SPG21: variants seen among roughly 807,000 people sequenced by gnomAD.
SPG21 encodes the protein SPG21 abhydrolase domain containing, maspardin.
Under a neutral mutation model 38.9 loss-of-function variants are expected in SPG21, and 26 were observed. The ratio of observed to expected loss-of-function variants is 0.67; its 90% CI spans 0.49 to 0.93. The LOEUF is 0.93. SPG21 is among the 40% of genes least tolerant of loss of function. The probability of loss-of-function intolerance (pLI) is 0.00; values close to 1 mark genes in which losing one functional copy is unlikely to be tolerated. For missense variants in SPG21, 333 were observed against 376.5 expected (o/e 0.88, Z 0.96); for synonymous variants, 136 against 128.9 (o/e 1.05, Z -0.37).
chr15:64,980,670 G>A (rs1456182463), intron 3 of SPG21, among the ~76,000 whole-genome samples, 194 bp downstream of exon 3: 2 of 151,914 alleles, frequency 1.3e-5, no homozygotes, highest in Non-Finnish European at 2.9e-5. Flanking sequence ...CCCGGGAGAC[G>A]GAGGTTGCAG....
In SPG21 at chr15:64,980,974, G is replaced by C. The variant is rs767994705; in HGVS notation, c.115C>G (p.Pro39Ala). The C allele has an allele frequency of 6.2e-7, 1 of 1,613,924 alleles. No individual in the cohort carries two copies. The highest frequency in any genetic ancestry group is 1.3e-5 in the African/African-American group (1 of 74,854). ...ATGAGAGGACACCTGATACTTCGGG[G>C]GCCCGCGTCATAGAGCGACCATATC... ...SKIWSLYDAGPRSIRCPLIFL... is the reference protein window; with the variant it reads ...SKIWSLYDAGARSIRCPLIFL... The change falls in exon 3 of 9, where the codon CCC (proline) becomes GCC (alanine). Residue 39 changes from proline (P) to alanine (A), a missense_variant. Physicochemically the swap from Pro to Ala is conservative, Grantham distance 27. Transcript: ENST00000204566.
At position 64,970,136 on chromosome 15, in the gene SPG21, G is replaced by A. The variant is rs2085632433; in HGVS notation, c.539C>T (p.Ala180Val). The stretch of plus-strand genomic sequence containing the variant: ...TACCCTGTCTACCATGAAATCAATG[G>A]CATCAGCCATCATAGGGTCCACCGG... ...SGPVDPMMAD[A>V]IDFMVDRLES... The change falls in exon 6 of 9, where the codon GCC becomes GTC. Residue 180 changes from alanine (A) to valine (V), a missense_variant. Physicochemically the swap from Ala to Val is moderately conservative, Grantham distance 64. Coordinates refer to ENST00000204566, the MANE Select transcript of SPG21 (RefSeq NM_016630.7). The A allele has an allele frequency of 6.2e-7, 1 of 1,613,760 alleles. No individual in the cohort carries two copies. The highest frequency in any genetic ancestry group is 8.5e-7 in the Non-Finnish European group (1 of 1,179,888).
chr15:64,972,806 T>C (rs1450379085), intron 5 of SPG21, among the ~76,000 whole-genome samples: 1 of 152,196 alleles, frequency 6.6e-6, no homozygotes, highest in Non-Finnish European at 1.5e-5. Flanking sequence ...CACTCCAGCC[T>C]GGGCGACAGA....
chr15:64,970,622 A>T (rs944570354), intron 5 of SPG21, among the ~76,000 whole-genome samples: 2 of 152,224 alleles, frequency 1.3e-5, no homozygotes, highest in Admixed American at 6.5e-5. Flanking sequence ...GATATTTCAA[A>T]ACAGATTTCA....
At chr15:64,965,565 G>A (rs2085524887) in intron 7 of SPG21, 105 bp from the exon 8 acceptor site, 4 of 1,532,148 alleles carry the variant, frequency 2.6e-6, no homozygotes, top group Admixed American at 3.4e-5. Context: ...TTCACATTAT[G>A]GAAATGTTAC....
chr15:64,969,687 GT>G (rs74643667), intron 6 of SPG21, among the ~76,000 whole-genome samples: 24 of 126,558 alleles, frequency 1.9e-4, no homozygotes, highest in African/African-American at 4.7e-4. Flanking sequence ...ATATGTTTTT[GT>G]TTTTTTTTTT....
intron 4 of SPG21, 127 bp downstream of exon 4, chr15:64,976,347 TC>T: frequency 1.6e-6 from 1 of 636,928 alleles, no homozygotes; most frequent in South Asian, 1.7e-5. Flanking sequence ...ATCACTTGAA[TC>T]CGGGAGGTGG....
chr15:64,980,948 T>C lies in SPG21; in HGVS notation c.141A>G (p.Ile47Met), dbSNP rs776641719. 17 of 1,613,950 alleles carry C rather than the reference T, an allele frequency of 1.1e-5. No homozygotes were observed. Among genetic ancestry groups the C allele is most frequent in the Middle Eastern group, 3.3e-4 (2 of 6,084 alleles). Residue 47 changes from isoleucine (I) to methionine (M), a missense_variant, in exon 3 of 9, where the codon ATA (isoleucine) becomes ATG (methionine). Ile to Met is a conservative substitution (Grantham distance 10, BLOSUM62 1). Coordinates refer to ENST00000204566, the MANE Select transcript of SPG21 (RefSeq NM_016630.7). The stretch of plus-strand genomic sequence containing the variant: ...CAGTTCCACTGACAGGGGGCAGGAA[T>C]ATGAGAGGACACCTGATACTTCGGG... ...AGPRSIRCPL[I>M]FLPPVSGTAD... is the part of the protein sequence containing the mutation.
intron 1 of SPG21, among the ~76,000 whole-genome samples, chr15:64,987,907 G>T (rs199980672): frequency 6.6e-6 from 1 of 152,222 alleles, no homozygotes; most frequent in East Asian, 1.9e-4. Context: ...GGTGGCACAT[G>T]CCTGTAATCC....
intron 2 of SPG21, chr15:64,981,233 G>C: frequency 1.8e-6 from 1 of 551,698 alleles, no homozygotes; most frequent in Non-Finnish European, 3.2e-6. Flanking sequence ...GAACTACTTA[G>C]AACTACTTTA....
chr15:64,980,833 G>A (rs773138309), intron 3 of SPG21, 31 bp downstream of exon 3: 19 of 1,604,754 alleles, frequency 1.2e-5, no homozygotes, highest in South Asian at 4.5e-5. Context: ...CACACAAAAC[G>A]TGGGTCTGAA....
intron 6 of SPG21, among the ~76,000 whole-genome samples, chr15:64,969,693 T>G (rs866364146): frequency 0.014 from 1,044 of 73,108 alleles, 12 homozygotes; most frequent in African/African-American, 0.032. Flanking sequence ...TTTTGTTTTT[T>G]TTTTTTTTTT....
At chr15:64,974,006 G>T (rs1595872591) in intron 5 of SPG21, among the ~76,000 whole-genome samples, 1 of 150,358 alleles carries the variant, frequency 6.7e-6, no homozygotes. Flanking sequence ...AATAATAAGT[G>T]GGATAAACAG....
chr15:64,968,142 G>A (rs2085580661), intron 7 of SPG21, among the ~76,000 whole-genome samples: 1 of 152,088 alleles, frequency 6.6e-6, no homozygotes. Flanking sequence ...GAGTCCCAGA[G>A]TTTGAGTCCA....
chr15:64,976,349 C>T (rs547394296), intron 4 of SPG21, 126 bp downstream of exon 4: 45 of 644,130 alleles, frequency 7.0e-5, no homozygotes, highest in Admixed American at 4.2e-4. Context: ...CACTTGAATC[C>T]GGGAGGTGGA....
intron 3 of SPG21, among the ~76,000 whole-genome samples, chr15:64,977,730 G>A (rs1274732174): frequency 2.6e-5 from 4 of 152,074 alleles, no homozygotes; most frequent in Admixed American, 2.6e-4. Context: ...TTGACTATAC[G>A]TAGCCTATCT....
intron 4 of SPG21, among the ~76,000 whole-genome samples, chr15:64,976,043 T>C (rs901238313): frequency 2.6e-5 from 4 of 152,186 alleles, no homozygotes; most frequent in African/African-American, 9.7e-5. Context: ...TGCACATACC[T>C]GGGAGTATAC....
At chr15:64,969,630 G>A (rs2085618823) in intron 6 of SPG21, among the ~76,000 whole-genome samples, 1 of 151,508 alleles carries the variant, frequency 6.6e-6, no homozygotes, top group Admixed American at 6.6e-5. Flanking sequence ...CTCCAGCCAG[G>A]TGCCCATGGG....
At chr15:64,986,513 C>G (rs2140454807) in intron 1 of SPG21, among the ~76,000 whole-genome samples, 1 of 152,020 alleles carries the variant, frequency 6.6e-6, no homozygotes, top group South Asian at 2.1e-4. Context: ...TGGCGAAACC[C>G]CATCTCTACT....
Sources: gnomAD v4.1 joint callset for allele counts (sites outside exome capture counted in the v4.1 genomes callset) on GRCh38, gnomAD v4.1.1 for gene constraint, MANE v1.5 for transcripts, NCBI Gene and HGNC (gene_info 2026-07-23, HGNC 2026-07-21) for gene names.